ITFG1: variants seen among roughly 807,000 people sequenced by gnomAD.
ITFG1 encodes the protein integrin alpha FG-GAP repeat containing 1, also known as T-cell immunomodulatory protein.
ITFG1 carries 34 observed loss-of-function variants against 81.8 expected under a neutral mutation model. The observed-to-expected ratio is 0.42, with a 90% CI of 0.32 to 0.55. The LOEUF is 0.55. Ranked by LOEUF, ITFG1 falls within the 20% of genes least tolerant of loss-of-function variation. The pLI is 0.17. For missense variants in ITFG1, 672 were observed against 755.4 expected (o/e 0.89, Z 1.29); for synonymous variants, 285 against 270.6 (o/e 1.05, Z -0.52).
chr16:47,381,129 T>C (rs1968391098), intron 6 of ITFG1, among the ~76,000 whole-genome samples: 1 of 152,224 alleles, frequency 6.6e-6, no homozygotes, highest in South Asian at 2.1e-4. Flanking sequence ...AATGAAGAGC[T>C]CTCTGGTTAA....
chr16:47,203,791 G>A (rs1965457792), intron 14 of ITFG1, among the ~76,000 whole-genome samples: 2 of 152,132 alleles, frequency 1.3e-5, no homozygotes, highest in South Asian at 4.2e-4. Flanking sequence ...ACTGGTCTGT[G>A]GCCTGGGGGA....
chr16:47,424,553 C>T (rs1242238032), intron 6 of ITFG1, among the ~76,000 whole-genome samples: 2 of 152,214 alleles, frequency 1.3e-5, no homozygotes, highest in African/African-American at 2.4e-5. Context: ...TCTGGTTTCT[C>T]CCCATCTTTG....
chr16:47,215,435 T>A (rs1291705344), intron 14 of ITFG1, among the ~76,000 whole-genome samples: 1 of 152,198 alleles, frequency 6.6e-6, no homozygotes, highest in African/African-American at 2.4e-5. Flanking sequence ...AGCTTTTTCT[T>A]AAATTAAAAA....
chr16:47,170,002 G>A (rs1567412568), intron 14 of ITFG1, among the ~76,000 whole-genome samples: 2 of 152,270 alleles, frequency 1.3e-5, no homozygotes, highest in Non-Finnish European at 2.9e-5. Context: ...ACTGTCTTAA[G>A]TTGAACAATC....
At chr16:47,246,142 G>C (rs1965999915) in intron 12 of ITFG1, among the ~76,000 whole-genome samples, 1 of 152,076 alleles carries the variant, frequency 6.6e-6, no homozygotes, top group African/African-American at 2.4e-5. Flanking sequence ...TCATGTAATA[G>C]TTTCTTCCAT....
chr16:47,248,587 T>A (rs1359598342), intron 12 of ITFG1, among the ~76,000 whole-genome samples: 1 of 152,186 alleles, frequency 6.6e-6, no homozygotes, highest in Non-Finnish European at 1.5e-5. Context: ...TTTAAAGTAG[T>A]CTATTAAATG....
chr16:47,195,351 T>C (rs1422811239), intron 14 of ITFG1, among the ~76,000 whole-genome samples: 2 of 152,202 alleles, frequency 1.3e-5, no homozygotes, highest in Non-Finnish European at 2.9e-5. Context: ...CCCTTGATTG[T>C]CATTTCCAGG....
chr16:47,292,566 T>C (rs1195193185), intron 10 of ITFG1, among the ~76,000 whole-genome samples: 4 of 152,174 alleles, frequency 2.6e-5, no homozygotes, highest in African/African-American at 4.8e-5. Context: ...TTTTTTTATG[T>C]TGCACAGTGG....
Position 47,220,627 on chromosome 16 carries a change from A to T in ITFG1, c.1375-1681T>A, listed in dbSNP as rs1007281655. The stretch of plus-strand genomic sequence containing the variant: ...GTGGTAATATTAACAAATGTTATTT[A>T]AAAATATCATACAATAAAATGTGTT... On this transcript the variant is annotated intron_variant, in intron 13 of 17. Transcript: ENST00000320640. Among the ~76,000 whole-genome samples, 3 of 152,262 alleles carry T rather than the reference A, an allele frequency of 2.0e-5. No individual in the cohort carries two copies. In the South Asian group the frequency reaches 6.2e-4, roughly 32 times the overall value.
Position 47,162,144 on chromosome 16 carries a change from TTGAGAC to T in ITFG1, c.1579-318_1579-313del, listed in dbSNP as rs1488148282. Among the ~76,000 whole-genome samples the T allele has an allele frequency of 1.1e-4, 16 of 152,132 alleles. No individual in the cohort carries two copies. The East Asian group carries it at 2.9e-3, about 28-fold the overall frequency. ...ATGCTGCTTGGAGCTAAAATTCAAATTGAGACTGACAATAAACAAAGCAAGTAAAAT... is the reference window on the plus strand; with the variant it reads ...ATGCTGCTTGGAGCTAAAATTCAAATTGACAATAAACAAAGCAAGTAAAAT... On this transcript the variant is annotated intron_variant, in intron 15 of 17. Coordinates refer to ENST00000320640, the MANE Select transcript of ITFG1 (RefSeq NM_030790.5).
intron 6 of ITFG1, among the ~76,000 whole-genome samples, chr16:47,417,613 T>C (rs1157425074): frequency 2.0e-5 from 3 of 152,326 alleles, no homozygotes; most frequent in South Asian, 2.1e-4. Flanking sequence ...TTAGCTCCCA[T>C]ATATGAATGA....
intron 14 of ITFG1, among the ~76,000 whole-genome samples, chr16:47,180,108 A>G (rs778338141): frequency 3.3e-5 from 5 of 152,202 alleles, no homozygotes; most frequent in Admixed American, 6.5e-5. Flanking sequence ...TTCCCGGGGA[A>G]TACAGCATAG....
chr16:47,181,107 C>G (rs542782664), intron 14 of ITFG1, among the ~76,000 whole-genome samples: 10 of 147,752 alleles, frequency 6.8e-5, no homozygotes, highest in Non-Finnish European at 1.3e-4. Context: ...CGTCTCTGCC[C>G]GGCCGCCCAT....
At chr16:47,430,792 C>T (rs1969085716) in intron 5 of ITFG1, among the ~76,000 whole-genome samples, 1 of 152,090 alleles carries the variant, frequency 6.6e-6, no homozygotes, top group African/African-American at 2.4e-5. Context: ...CACAGAATTA[C>T]CATATGATCC....
intron 8 of ITFG1, among the ~76,000 whole-genome samples, chr16:47,364,148 T>TA (rs1226381177): frequency 2.0e-5 from 3 of 152,212 alleles, no homozygotes; most frequent in African/African-American, 7.2e-5. Flanking sequence ...AATATTCAAC[T>TA]AAAAATACAT....
chr16:47,318,226 A>G (rs1337423293), intron 8 of ITFG1, among the ~76,000 whole-genome samples: 1 of 152,232 alleles, frequency 6.6e-6, no homozygotes, highest in Non-Finnish European at 1.5e-5. Context: ...TATACTACAT[A>G]TAATTTTGCA....
chr16:47,315,791 A>ATATATATATATATATAC (rs199525088), intron 8 of ITFG1, among the ~76,000 whole-genome samples: 2 of 149,378 alleles, frequency 1.3e-5, no homozygotes, highest in African/African-American at 5.1e-5. Context: ...ACATATATAT[A>ATATATATATATATATAC]ATTTATTATT....
intron 7 of ITFG1, among the ~76,000 whole-genome samples, chr16:47,372,449 TTCTC>T (rs1057370766): frequency 2.6e-5 from 4 of 151,718 alleles, no homozygotes; most frequent in East Asian, 1.9e-4. Context: ...TCTTTTCTAT[TTCTC>T]TCTTTTTTTT....
At chr16:47,443,887 T>TA in intron 5 of ITFG1, among the ~76,000 whole-genome samples, 1 of 152,072 alleles carries the variant, frequency 6.6e-6, no homozygotes, top group Non-Finnish European at 1.5e-5. Flanking sequence ...CCCTAAAACT[T>TA]AAAGTATAAT....
Sources: gnomAD v4.1 joint callset for allele counts (sites outside exome capture counted in the v4.1 genomes callset) on GRCh38, gnomAD v4.1.1 for gene constraint, MANE v1.5 for transcripts, NCBI Gene and HGNC (gene_info 2026-07-23, HGNC 2026-07-21) for gene names.